The following XIAP variants were observed in gnomAD, a reference collection of about 807,000 sequenced individuals.
The protein encoded by XIAP is E3 ubiquitin-protein ligase XIAP.
XIAP carries 3 observed loss-of-function variants against 33.1 expected under a neutral mutation model. The observed-to-expected ratio is 0.09, with a 90% CI of 0.04 to 0.23. The LOEUF is 0.23. Among genes scored for constraint, XIAP ranks in the 10% least tolerant of loss-of-function variants. The pLI is 1.00. For synonymous variants in XIAP, 98 were observed against 121.3 expected (o/e 0.81, Z 1.26); for missense variants, 264 against 363.0 (o/e 0.73, Z 2.22).
chrX:123,886,659 T>A (rs2053354854), intron 2 of XIAP, 120 bp downstream of exon 2: 1 of 748,698 alleles, frequency 1.3e-6, no homozygotes, highest in African/African-American at 2.1e-5. Context: ...GGCATGATTA[T>A]ATATATATCT....
chrX:123,879,355 C>T (rs1202970647), intron 1 of XIAP: 1 of 90,073 alleles, frequency 1.1e-5, no homozygotes, highest in Non-Finnish European at 2.1e-5. Context: ...GTCACTCTGT[C>T]ACCCAGGCTG....
intron 1 of XIAP, among the ~76,000 whole-genome samples, chrX:123,870,851 A>G (rs1414750895): frequency 8.9e-6 from 1 of 111,929 alleles, no homozygotes; most frequent in African/African-American, 3.2e-5. Flanking sequence ...GGAATAGAAT[A>G]CTTCACTCTG....
intron 6 of XIAP, among the ~76,000 whole-genome samples, chrX:123,906,404 G>A (rs2053555761): frequency 9.0e-6 from 1 of 111,131 alleles, no homozygotes; most frequent in African/African-American, 3.3e-5. Flanking sequence ...TTTCTTATTG[G>A]CATCACCATA....
intron 1 of XIAP, among the ~76,000 whole-genome samples, chrX:123,874,782 C>T (rs1462194097): frequency 1.8e-4 from 19 of 105,048 alleles, no homozygotes; most frequent in African/African-American, 6.6e-4. Flanking sequence ...GCAACCTCCA[C>T]CTCCCGAATT....
rs1006343526 is a variant in XIAP, at chrX:123,908,487, G to A, written c.*1306G>A. On this transcript the variant is annotated 3_prime_UTR_variant, in exon 7 of 7. Transcript: ENST00000371199. ...TGTAGGTAAAAGTAGAAGCATGTTT[G>A]TACACTGCTTGTAGTTATAGTGACA... 8.1e-6 allele frequency: 3 copies of A among 370,192 alleles called. No homozygotes were observed. The highest frequency in any genetic ancestry group is 5.0e-5 in the African/African-American group (2 of 39,701). 30.5% of individuals were successfully genotyped at this position (370,192 alleles called of 1,213,427 possible).
intron 4 of XIAP, 21 bp from the exon 5 acceptor site, chrX:123,892,710 C>T (rs201218548): frequency 2.3e-5 from 27 of 1,174,302 alleles, no homozygotes; most frequent in South Asian, 2.0e-4. Context: ...TTCTAACTTA[C>T]AGTTCCTATT....
rs188312893 is a variant in XIAP at position 123,896,909 on chromosome X, G to A, written c.1100-3584G>A. 5.7e-5 allele frequency among the ~76,000 whole-genome samples: 6 copies of A among 105,131 alleles called. No individual in the cohort carries two copies. In the East Asian group the frequency reaches 9.0e-4, roughly 16 times the overall value. 91.3% of individuals were successfully genotyped at this position (105,131 alleles called of 115,157 possible). On this transcript the variant is annotated intron_variant, in intron 5 of 6. Coordinates refer to ENST00000371199, the MANE Select transcript of XIAP (RefSeq NM_001167.4). Reference sequence around the variant, plus strand: ...CTTTTTCACTTTCTTGGTGTTCTTCGAAGCATAAACGTCTTTAATTTTTTT... The same window carrying A: ...CTTTTTCACTTTCTTGGTGTTCTTCAAAGCATAAACGTCTTTAATTTTTTT...
intron 1 of XIAP, chrX:123,872,973 A>C (rs1203130252): frequency 1.8e-5 from 2 of 109,831 alleles, no homozygotes; most frequent in Non-Finnish European, 3.8e-5. Context: ...CAGTCCTTCC[A>C]CCTCAGCTTC....
rs773573633 is a variant in XIAP, at chrX:123,891,308, G to A, written c.1048G>A (p.Glu350Lys). The change falls in exon 4 of 7, where the codon GAG becomes AAG. Residue 350 changes from glutamate (E) to lysine (K), a missense_variant. Transcript: ENST00000371199. ...NNIHLTHSLE[E>K]CLVRTTEKTP... ...TATTCATTTAACTCATTCACTTGAGGAGTGTCTGGTAAGTCTCATATAATT... is the reference window on the plus strand; with the variant it reads ...TATTCATTTAACTCATTCACTTGAGAAGTGTCTGGTAAGTCTCATATAATT... 1 of 1,047,553 alleles carries A rather than the reference G, an allele frequency of 9.5e-7. No individual in the cohort carries two copies. Among genetic ancestry groups the A allele is most frequent in the Non-Finnish European group, 1.3e-6 (1 of 758,060 alleles). The allele number at this position is 1,047,553 out of a possible 1,213,427, so 86.3% of individuals were successfully genotyped here.
chrX:123,865,908 C>G (rs1029724164), intron 1 of XIAP, among the ~76,000 whole-genome samples: 7 of 108,832 alleles, frequency 6.4e-5, no homozygotes, highest in Non-Finnish European at 1.1e-4. Context: ...GCGTGTGCTA[C>G]CACACCTGGC....
intron 1 of XIAP, 37 bp downstream of exon 1, chrX:123,860,330 T>C: frequency 3.1e-6 from 1 of 326,973 alleles, no homozygotes; most frequent in South Asian, 2.6e-5. Flanking sequence ...CCTCCCCCGC[T>C]TTCCCTCCTT....
At chrX:123,869,855 A>G (rs1003681541) in intron 1 of XIAP, among the ~76,000 whole-genome samples, 10 of 113,025 alleles carry the variant, frequency 8.8e-5, no homozygotes, top group African/African-American at 3.2e-4. Flanking sequence ...CACATTACAT[A>G]TGTTAGTTAT....
rs28382718 is a variant in XIAP at position 123,879,825 on chromosome X, A to G, written c.-32-5806A>G. Among the ~76,000 whole-genome samples, 1,094 of 111,493 alleles carry G rather than the reference A, an allele frequency of 9.8e-3. 13 individuals are homozygous for G. Among genetic ancestry groups the G allele is most frequent in the African/African-American group, 0.033 (1,025 of 30,779 alleles). On this transcript the variant is annotated intron_variant, in intron 1 of 6. Transcript: ENST00000371199. ...AAATAACCTTTATTCTACGTATTTG[A>G]AAACCTTGGCTGGGCTCAGTGGCTC...
chrX:123,908,502 T>G lies in XIAP; in HGVS notation c.*1321T>G. Reference sequence around the variant, plus strand: ...AAGCATGTTTGTACACTGCTTGTAGTTATAGTGACAGCTTTCCATGTTGAG... The same window carrying G: ...AAGCATGTTTGTACACTGCTTGTAGGTATAGTGACAGCTTTCCATGTTGAG... On this transcript the variant is annotated 3_prime_UTR_variant, in exon 7 of 7. Coordinates refer to ENST00000371199, the MANE Select transcript of XIAP (RefSeq NM_001167.4). 2.7e-6 allele frequency: 1 copy of G among 368,420 alleles called. No homozygotes were observed. The highest frequency in any genetic ancestry group is 5.1e-6 in the Non-Finnish European group (1 of 194,767). The allele number at this position is 368,420 out of a possible 1,213,427, so 30.4% of individuals were successfully genotyped here.
At chrX:123,884,935 T>G (rs2053337439) in intron 1 of XIAP, among the ~76,000 whole-genome samples, 1 of 79,013 alleles carries the variant, frequency 1.3e-5, no homozygotes. Flanking sequence ...GGCACATGTA[T>G]GTCATGGGCA....
At chrX:123,899,718 GTT>G (rs34067902) in intron 5 of XIAP, among the ~76,000 whole-genome samples, 11 of 100,593 alleles carry the variant, frequency 1.1e-4, no homozygotes, top group East Asian at 6.2e-4. Context: ...TGTGGCAATA[GTT>G]TTTTTTTTTT....
In XIAP at chrX:123,912,213, T is replaced by TAAAAA; in HGVS notation, c.*5032_*5033insAAAAA. 1 of 217,963 alleles carries TAAAAA rather than the reference T, an allele frequency of 4.6e-6. No homozygotes were observed. Among genetic ancestry groups the TAAAAA allele is most frequent in the East Asian group, 1.6e-4 (1 of 6,108 alleles). 18.0% of individuals were successfully genotyped at this position (217,963 alleles called of 1,213,427 possible). A position where few individuals can be genotyped will look rare whatever the true frequency, so the allele number is the denominator to read the frequency against. On this transcript the variant is annotated 3_prime_UTR_variant, in exon 7 of 7. Transcript: ENST00000371199. ...TCAACCAAGGAGGAATTGAAAACAC[T>TAAAAA]GAGAAAAAAAAAAAAGACCACACAA...
intron 5 of XIAP, among the ~76,000 whole-genome samples, chrX:123,895,318 AAAT>A (rs1452353798): frequency 8.9e-6 from 1 of 112,586 alleles, no homozygotes; most frequent in Non-Finnish European, 1.9e-5. Flanking sequence ...TCCATTGTAT[AAAT>A]AATACCACAT....
chrX:123,873,488 T>C (rs374951046), intron 1 of XIAP, among the ~76,000 whole-genome samples: 370 of 108,753 alleles, frequency 3.4e-3, no homozygotes, highest in African/African-American at 0.012. Flanking sequence ...CTCTCTCTCT[T>C]TTTTGAAACC....
Sources: gnomAD v4.1 joint callset for allele counts (sites outside exome capture counted in the v4.1 genomes callset) on GRCh38, gnomAD v4.1.1 for gene constraint, MANE v1.5 for transcripts, NCBI Gene and HGNC (gene_info 2026-07-23, HGNC 2026-07-21) for gene names.